Variants in MPPED2 observed in about 807,000 individuals in gnomAD.
The protein encoded by MPPED2 is metallophosphoesterase MPPED2.
A neutral mutation model predicts 33.0 loss-of-function variants in MPPED2; 5 were observed. That is an observed-to-expected ratio of 0.15 (90% confidence interval 0.08 to 0.32). MPPED2 has a LOEUF of 0.32. Among genes scored for constraint, MPPED2 ranks in the 10% least tolerant of loss-of-function variants. The pLI, the probability that MPPED2 is intolerant of heterozygous loss-of-function variation, is 1.00. For missense variants in MPPED2, 275 were observed against 372.1 expected (o/e 0.74, Z 2.15); for synonymous variants, 136 against 141.9 (o/e 0.96, Z 0.29).
At chr11:30,451,940 G>A in intron 4 of MPPED2, 11 of 985,346 alleles carry the variant, frequency 1.1e-5, no homozygotes, top group Non-Finnish European at 1.3e-5. Flanking sequence ...ATTGAGAATG[G>A]AATCACACCA....
chr11:30,512,602 G>T (rs972815453), intron 3 of MPPED2, among the ~76,000 whole-genome samples: 1 of 152,184 alleles, frequency 6.6e-6, no homozygotes, highest in Non-Finnish European at 1.5e-5. Flanking sequence ...CACTGCCCCA[G>T]AACCGGGATT....
At chr11:30,389,793 A>G (rs1191719052) in intron 6 of MPPED2, among the ~76,000 whole-genome samples, 1 of 152,218 alleles carries the variant, frequency 6.6e-6, no homozygotes, top group Non-Finnish European at 1.5e-5. Context: ...AAACTGACTC[A>G]GGTAGATAGG....
chr11:30,445,497 T>A (rs1258548738), intron 4 of MPPED2, among the ~76,000 whole-genome samples: 2 of 152,224 alleles, frequency 1.3e-5, no homozygotes, highest in Non-Finnish European at 2.9e-5. Flanking sequence ...TTTAACCATT[T>A]TTAGTGTAGT....
chr11:30,404,792 C>T (rs1006816571), intron 6 of MPPED2, among the ~76,000 whole-genome samples: 1 of 152,202 alleles, frequency 6.6e-6, no homozygotes, highest in Non-Finnish European at 1.5e-5. Context: ...CTTACTAGCA[C>T]AGCACCTGGC....
intron 2 of MPPED2, among the ~76,000 whole-genome samples, chr11:30,567,696 G>A (rs1956506166): frequency 6.6e-6 from 1 of 152,146 alleles, no homozygotes; most frequent in Non-Finnish European, 1.5e-5. Context: ...TAGTGAAAGT[G>A]GAATATTTAG....
At chr11:30,557,067 T>C (rs1279431959) in intron 2 of MPPED2, among the ~76,000 whole-genome samples, 1 of 151,842 alleles carries the variant, frequency 6.6e-6, no homozygotes, top group South Asian at 2.1e-4. Context: ...GGCATTACAT[T>C]GAAACATTTT....
rs865986128 is a variant in MPPED2 at position 30,583,150 on chromosome 11, T to C, written c.-121-2656A>G. Reference sequence around the variant, plus strand: ...AGACTTTTTCTTTTTTTTTTTTTTTTTTTTTTTTTTTTTTTGGTAAACTCT... The same window carrying C: ...AGACTTTTTCTTTTTTTTTTTTTTTCTTTTTTTTTTTTTTTGGTAAACTCT... On this transcript the variant is annotated intron_variant, in intron 1 of 6. Transcript: ENST00000358117. 2.7e-4 allele frequency among the ~76,000 whole-genome samples: 13 copies of C among 48,028 alleles called. 1 individual carries two copies. Among genetic ancestry groups the C allele is most frequent in the South Asian group, 2.7e-3 (4 of 1,482 alleles). The allele number at this position is 48,028 out of a possible 152,430, so 31.5% of individuals were successfully genotyped here.
In MPPED2 at chr11:30,411,723, A is replaced by T. The variant is rs937965684; in HGVS notation, c.767-137T>A. 1.4e-5 allele frequency: 7 copies of T among 508,722 alleles called. No individual in the cohort carries two copies. In the Admixed American group the frequency reaches 2.6e-4, roughly 19 times the overall value. 31.5% of individuals were successfully genotyped at this position (508,722 alleles called of 1,614,324 possible). On this transcript the variant is annotated intron_variant, in intron 6 of 6. Coordinates refer to ENST00000358117, the MANE Select transcript of MPPED2 (RefSeq NM_001584.3). ...AATTCAGTTGAGCCTCCTCAGATAT[A>T]ATGACTTTCAGAAGCTACTGCCCAA...
chr11:30,563,975 C>T (rs917998887), intron 2 of MPPED2, among the ~76,000 whole-genome samples: 1 of 152,162 alleles, frequency 6.6e-6, no homozygotes, highest in Admixed American at 6.5e-5. Context: ...TGATCTTTCT[C>T]CCACATGCTT....
intron 2 of MPPED2, among the ~76,000 whole-genome samples, chr11:30,577,275 G>A (rs1279091956): frequency 6.6e-6 from 1 of 152,078 alleles, no homozygotes; most frequent in Non-Finnish European, 1.5e-5. Flanking sequence ...TCCTAATTAA[G>A]GTGAAAAACC....
chr11:30,436,986 C>G (rs1190107869), intron 4 of MPPED2, among the ~76,000 whole-genome samples: 1 of 152,194 alleles, frequency 6.6e-6, no homozygotes, highest in African/African-American at 2.4e-5. Flanking sequence ...ATGGCTGTCA[C>G]CTCCCTGAAA....
At chr11:30,520,696 T>C (rs189643579) in intron 3 of MPPED2, among the ~76,000 whole-genome samples, 55 of 152,334 alleles carry the variant, frequency 3.6e-4, no homozygotes, top group African/African-American at 1.2e-3. Flanking sequence ...ACATACATCA[T>C]TTCTTAAAAT....
chr11:30,580,657 C>A (rs987828100), intron 1 of MPPED2, among the ~76,000 whole-genome samples, 163 bp from the exon 2 acceptor site: 5 of 152,216 alleles, frequency 3.3e-5, no homozygotes, highest in Admixed American at 2.6e-4. Context: ...CCTTCATGCA[C>A]TTCAAAGTGG....
intron 3 of MPPED2, among the ~76,000 whole-genome samples, chr11:30,501,335 A>G (rs1366510309): frequency 2.0e-5 from 3 of 152,238 alleles, no homozygotes. Flanking sequence ...AGAAACTGGC[A>G]TGTTCCAACA....
At chr11:30,559,149 T>G (rs1273520486) in intron 2 of MPPED2, among the ~76,000 whole-genome samples, 2 of 152,174 alleles carry the variant, frequency 1.3e-5, no homozygotes, top group South Asian at 4.1e-4. Flanking sequence ...TAATGAAAAG[T>G]ATTCCTTAGA....
chr11:30,567,327 G>T (rs1375468043), intron 2 of MPPED2, among the ~76,000 whole-genome samples: 2 of 152,134 alleles, frequency 1.3e-5, no homozygotes, highest in Non-Finnish European at 2.9e-5. Flanking sequence ...AGTCTTAGGG[G>T]CAGGCCTAGA....
intron 6 of MPPED2, 26 bp from the exon 7 acceptor site, chr11:30,411,612 C>G: frequency 6.2e-7 from 1 of 1,602,960 alleles, no homozygotes; most frequent in Non-Finnish European, 8.5e-7. Context: ...GTCACATTTA[C>G]TGTAATATAT....
chr11:30,500,718 G>A (rs1164748033), intron 3 of MPPED2, among the ~76,000 whole-genome samples: 1 of 152,162 alleles, frequency 6.6e-6, no homozygotes, highest in Non-Finnish European at 1.5e-5. Flanking sequence ...TTTTGCATGT[G>A]ACTTGTATCC....
intron 4 of MPPED2, among the ~76,000 whole-genome samples, chr11:30,485,477 A>ACATTTACACATGTTACACATAACATAT (rs1951701657): frequency 6.6e-6 from 1 of 152,222 alleles, no homozygotes; most frequent in Non-Finnish European, 1.5e-5. Context: ...TAACAAGGTA[A>ACATTTACACATGTTACACATAACATAT]ATAAGTTCTA....
Sources: gnomAD v4.1 joint callset for allele counts (sites outside exome capture counted in the v4.1 genomes callset) on GRCh38, gnomAD v4.1.1 for gene constraint, MANE v1.5 for transcripts, NCBI Gene and HGNC (gene_info 2026-07-23, HGNC 2026-07-21) for gene names.